Variants in NARF observed in about 807,000 individuals in gnomAD.
NARF encodes the protein nuclear prelamin A recognition factor.
Under a neutral mutation model 48.0 loss-of-function variants are expected in NARF, and 41 were observed. The ratio of observed to expected loss-of-function variants is 0.85; its 90% CI spans 0.66 to 1.11. NARF has a LOEUF of 1.11. NARF is among the 50% of genes least tolerant of loss of function. The probability of loss-of-function intolerance (pLI) is 0.00; values close to 1 mark genes in which losing one functional copy is unlikely to be tolerated. For missense variants in NARF, 613 were observed against 590.2 expected (o/e 1.04, Z -0.40); for synonymous variants, 215 against 225.5 (o/e 0.95, Z 0.42).
intron 8 of NARF, 48 bp from the exon 9 acceptor site, chr17:82,484,765 C>T: frequency 6.5e-7 from 1 of 1,530,990 alleles, no homozygotes; most frequent in Admixed American, 2.1e-5. Flanking sequence ...CTTTCTGTCA[C>T]TGTACGTCAG....
chr17:82,483,156 T>C, intron 7 of NARF: 1 of 222,550 alleles, frequency 4.5e-6, no homozygotes, highest in Non-Finnish European at 9.3e-6. Flanking sequence ...CCGTCTCTAC[T>C]AAAAATACAA....
chr17:82,488,298 C>CTCAATGGAT lies in NARF; in HGVS notation c.*142_*143insCAATGGATT. 3.0e-6 allele frequency: 4 copies of CTCAATGGAT among 1,336,538 alleles called. No individual in the cohort carries two copies. Among genetic ancestry groups the CTCAATGGAT allele is most frequent in the Non-Finnish European group, 4.0e-6 (4 of 1,006,730 alleles). The allele number at this position is 1,336,538 out of a possible 1,614,324, so 82.8% of individuals were successfully genotyped here. On this transcript the variant is annotated 3_prime_UTR_variant, in exon 11 of 11. Coordinates refer to ENST00000309794, the MANE Select transcript of NARF (RefSeq NM_012336.4). ...TACTTTGGTTTCTCCGAGTTCCCTG[C>CTCAATGGAT]TACCCCGTTTATTGGAGGCCCCTCA...
At chr17:82,468,501 T>G (rs1245445800) in intron 3 of NARF, 3 of 416,270 alleles carry the variant, frequency 7.2e-6, no homozygotes, top group Admixed American at 8.4e-5. Context: ...TAGCTGGAAC[T>G]GTAGGCATGC....
rs1158604900 is a variant in NARF, at chr17:82,488,102, A to G, written c.1316A>G (p.His439Arg). The change falls in exon 11 of 11, where the codon CAT becomes CGT. Residue 439 changes from histidine to arginine, a missense_variant. His to Arg is a conservative substitution (Grantham distance 29). Transcript: ENST00000309794. ...INSPKAREVL[H>R]TTYQSQERGT... ...TCCCCCAAGGCCCGAGAGGTGCTGC[A>G]TACCACGTACCAGAGCCAGGAGCGT... 1 of 1,614,060 alleles carries G rather than the reference A, an allele frequency of 6.2e-7. No individual in the cohort carries two copies. Among genetic ancestry groups the G allele is most frequent in the South Asian group, 1.1e-5 (1 of 91,090 alleles).
At chr17:82,487,790 A>AAG in intron 10 of NARF, 126 bp from the exon 11 acceptor site, 1 of 613,870 alleles carries the variant, frequency 1.6e-6, no homozygotes, top group East Asian at 4.7e-5. Flanking sequence ...CTCCCGCCCA[A>AAG]TCTCTACAAA....
intron 4 of NARF, among the ~76,000 whole-genome samples, chr17:82,470,231 A>G (rs578031133): frequency 6.6e-6 from 1 of 152,264 alleles, no homozygotes; most frequent in South Asian, 2.1e-4. Context: ...CTGGTCATCT[A>G]GCACATAATG....
rs968033626 is a variant in NARF, at chr17:82,459,303, A to T, written c.27+473A>T. On this transcript the variant is annotated intron_variant, in intron 1 of 10. Transcript: ENST00000309794. The stretch of plus-strand genomic sequence containing the variant: ...ATGGCAACAACCGCGCAGCGCACGC[A>T]GGGGGGTTTTGTAGCTGTTATTGCC... 20 of 506,250 alleles carry T rather than the reference A, an allele frequency of 4.0e-5. 1 individual carries two copies. The highest frequency in any genetic ancestry group is 5.1e-5 in the Non-Finnish European group (20 of 391,132). 31.4% of individuals were successfully genotyped at this position (506,250 alleles called of 1,614,324 possible). A position where few individuals can be genotyped will look rare whatever the true frequency, so the allele number is the denominator to read the frequency against.
At chr17:82,487,811 ATC>A in intron 10 of NARF, 103 bp from the exon 11 acceptor site, 4 of 1,322,818 alleles carry the variant, frequency 3.0e-6, no homozygotes, top group Non-Finnish European at 4.1e-6. Flanking sequence ...AAATTTAAAA[ATC>A]AGCCGGGCAA....
chr17:82,459,297 G>A (rs1448926019), intron 1 of NARF: 2 of 527,362 alleles, frequency 3.8e-6, no homozygotes, highest in Non-Finnish European at 4.9e-6. Context: ...ACCGCGCAGC[G>A]CACGCAGGGG....
At chr17:82,480,945 AAAAAG>A (rs1316681466) in intron 6 of NARF, 132 bp from the exon 7 acceptor site, 189 of 1,125,020 alleles carry the variant, frequency 1.7e-4, no homozygotes, top group Admixed American at 7.8e-4. Context: ...AAAAAAAAAA[AAAAAG>A]AGTGCAGCAT....
intron 3 of NARF, among the ~76,000 whole-genome samples, chr17:82,466,196 T>C (rs754090718): frequency 2.6e-5 from 4 of 152,204 alleles, no homozygotes; most frequent in Non-Finnish European, 5.9e-5. Flanking sequence ...CCCTTGAAAG[T>C]GTCTGTGTCA....
chr17:82,474,190 T>A (rs924531666), intron 5 of NARF, among the ~76,000 whole-genome samples: 3 of 152,112 alleles, frequency 2.0e-5, no homozygotes, highest in African/African-American at 7.2e-5. Flanking sequence ...CTTAAGAAAA[T>A]CCGTTTTCTC....
chr17:82,460,160 A>C, intron 2 of NARF, 88 bp downstream of exon 2: 1 of 1,164,446 alleles, frequency 8.6e-7, no homozygotes, highest in Non-Finnish European at 1.3e-6. Context: ...CGTGCACATC[A>C]CTGCTTTAAA....
intron 2 of NARF, chr17:82,462,969 G>A (rs1385508218): frequency 2.0e-5 from 3 of 152,176 alleles, no homozygotes; most frequent in Admixed American, 6.6e-5. Flanking sequence ...GACCCACTGG[G>A]AACTTGTTAG....
At chr17:82,480,968 C>A in intron 6 of NARF, 114 bp from the exon 7 acceptor site, 3 of 1,142,878 alleles carry the variant, frequency 2.6e-6, no homozygotes, top group Non-Finnish European at 3.8e-6. Context: ...CATGCAGTGT[C>A]TGGAGGGCAG....
intron 3 of NARF, among the ~76,000 whole-genome samples, chr17:82,466,445 A>G (rs1451991220): frequency 6.6e-6 from 1 of 152,018 alleles, no homozygotes; most frequent in Non-Finnish European, 1.5e-5. Flanking sequence ...ATGTGAATAC[A>G]TTCTTCTTCC....
At chr17:82,484,643 C>A in intron 8 of NARF, 170 bp from the exon 9 acceptor site, 2 of 736,442 alleles carry the variant, frequency 2.7e-6, no homozygotes, top group Non-Finnish European at 4.0e-6. Context: ...CCTCCCAAGA[C>A]CCCTCAAGAT....
At chr17:82,483,383 A>G (rs1290932405) in intron 7 of NARF, 4 of 320,116 alleles carry the variant, frequency 1.2e-5, no homozygotes, top group Non-Finnish European at 2.4e-5. Context: ...TGTTATACAC[A>G]AAAGTTTTCT....
In NARF at chr17:82,483,792, T is replaced by C; in HGVS notation, c.833+13T>C. ...CCGTCGACACTCTGTAAGTGGCTTC[T>C]CTGGGGAGAGTCCTCTGGGGGGCAG... On this transcript the variant is annotated intron_variant, in intron 8 of 10. Transcript: ENST00000309794. 1 of 1,612,964 alleles carries C rather than the reference T, an allele frequency of 6.2e-7. No individual in the cohort carries two copies. The highest frequency in any genetic ancestry group is 1.3e-5 in the African/African-American group (1 of 75,018).
Sources: allele counts gnomAD v4.1 joint callset (sites outside exome capture counted in the v4.1 genomes callset), GRCh38; gene constraint gnomAD v4.1.1; transcripts MANE v1.5; gene names NCBI Gene and HGNC (gene_info 2026-07-23, HGNC 2026-07-21).